Variants in THRB observed in about 807,000 individuals in gnomAD.
The protein encoded by THRB is nuclear receptor subfamily 1 group A member 2.
Under a neutral mutation model 47.8 loss-of-function variants are expected in THRB, and 12 were observed. The ratio of observed to expected loss-of-function variants is 0.25; its 90% CI spans 0.16 to 0.41. THRB has a LOEUF of 0.41. THRB is among the 10% of genes least tolerant of loss of function. The probability of loss-of-function intolerance (pLI) is 1.00; values close to 1 mark genes in which losing one functional copy is unlikely to be tolerated. For synonymous variants in THRB, 218 were observed against 212.2 expected (o/e 1.03, Z -0.24); for missense variants, 348 against 589.2 (o/e 0.59, Z 4.24).
intron 3 of THRB, among the ~76,000 whole-genome samples, chr3:24,233,595 G>GAAAGAAAGAAAGAAAGAAAAAT (rs1553658441): frequency 0.11 from 16,029 of 143,658 alleles, 1,249 homozygotes; most frequent in Non-Finnish European, 0.15. Context: ...AAGAAAGAAA[G>GAAAGAAAGAAAGAAAGAAAAAT]AAAGAAAGAA....
chr3:24,253,177 A>G (rs1454228661), intron 3 of THRB, among the ~76,000 whole-genome samples: 1 of 152,240 alleles, frequency 6.6e-6, no homozygotes, highest in Non-Finnish European at 1.5e-5. Context: ...ATAGAGGCAT[A>G]AAATAAATAA....
chr3:24,334,255 A>G (rs1300773568), intron 2 of THRB, among the ~76,000 whole-genome samples: 2 of 152,226 alleles, frequency 1.3e-5, no homozygotes, highest in Admixed American at 6.5e-5. Flanking sequence ...ATTCACAAGT[A>G]GCCTGTTTGA....
chr3:24,264,808 A>G (rs917050233), intron 3 of THRB, among the ~76,000 whole-genome samples: 2 of 141,994 alleles, frequency 1.4e-5, no homozygotes, highest in African/African-American at 5.2e-5. Flanking sequence ...AAAAAAAAAA[A>G]CTGGACTTTG....
rs773072357 is a variant in THRB at position 24,127,650 on chromosome 3, A to G, written c.993T>C (p.Asn331=). ...YDPESETLTL[N]GEMAVTRGQL... is the part of the protein sequence containing the mutation. ...GGCCCCGTGTCACTGCCATTTCCCC[A>G]TTCAAGGTTAAAGTCTCACTTTCTG... is the stretch of plus-strand genomic sequence containing the variant. The change falls in exon 10 of 11, where the codon AAT becomes AAC. Residue 331 remains asparagine, a synonymous_variant. Coordinates refer to ENST00000646209, the MANE Select transcript of THRB (RefSeq NM_001354712.2). 1.2e-6 allele frequency: 2 copies of G among 1,614,154 alleles called. No homozygotes were observed. The highest frequency in any genetic ancestry group is 2.2e-5 in the East Asian group (1 of 44,882).
intron 4 of THRB, among the ~76,000 whole-genome samples, chr3:24,216,476 A>C (rs1005916820): frequency 3.9e-5 from 6 of 152,016 alleles, no homozygotes; most frequent in Non-Finnish European, 8.8e-5. Flanking sequence ...GGCGTGGTGG[A>C]GGGCACCTGT....
chr3:24,162,116 C>T (rs1447022509), intron 5 of THRB, among the ~76,000 whole-genome samples: 2 of 151,284 alleles, frequency 1.3e-5, no homozygotes, highest in African/African-American at 4.9e-5. Flanking sequence ...TCGGGAACTT[C>T]GGAATGTGAT....
intron 3 of THRB, among the ~76,000 whole-genome samples, chr3:24,252,643 T>C (rs1212778409): frequency 6.6e-6 from 1 of 150,930 alleles, no homozygotes; most frequent in African/African-American, 2.4e-5. Flanking sequence ...AAAGGAGATA[T>C]GTAAAACGCA....
intron 1 of THRB, among the ~76,000 whole-genome samples, chr3:24,407,386 T>C (rs866248611): frequency 5.9e-5 from 9 of 151,762 alleles, no homozygotes; most frequent in Non-Finnish European, 4.4e-5. Context: ...TATATTTTCA[T>C]GCGCGATTCA....
chr3:24,398,755 G>A (rs1243524312), intron 1 of THRB, among the ~76,000 whole-genome samples: 1 of 152,130 alleles, frequency 6.6e-6, no homozygotes, highest in East Asian at 1.9e-4. Flanking sequence ...TATAAATCAT[G>A]CTGCTGTAAA....
Position 24,359,772 on chromosome 3 carries a change from T to C in THRB, c.-260-22401A>G, listed in dbSNP as rs558205657. Among the ~76,000 whole-genome samples the C allele has an allele frequency of 3.3e-5, 5 of 152,298 alleles. No homozygotes were observed. In the South Asian group the frequency reaches 1.0e-3, roughly 32 times the overall value. On this transcript the variant is annotated intron_variant, in intron 1 of 10. Coordinates refer to ENST00000646209, the MANE Select transcript of THRB (RefSeq NM_001354712.2). ...TTGCCCATGTGCGTGGGGACAGCCA[T>C]GGCCCTCAGCATGACTTTGGCTTTA... is the stretch of plus-strand genomic sequence containing the variant.
At chr3:24,164,094 CA>C (rs2039303554) in intron 5 of THRB, among the ~76,000 whole-genome samples, 1 of 152,122 alleles carries the variant, frequency 6.6e-6, no homozygotes, top group African/African-American at 2.4e-5. Context: ...AGATTATATA[CA>C]AAAGCATGAG....
chr3:24,339,794 C>T (rs896682092), intron 1 of THRB, among the ~76,000 whole-genome samples: 1 of 152,164 alleles, frequency 6.6e-6, no homozygotes, highest in African/African-American at 2.4e-5. Flanking sequence ...CTGTGAATTT[C>T]TTCATGGCTC....
chr3:24,377,366 C>T (rs2065367799), intron 1 of THRB, among the ~76,000 whole-genome samples: 1 of 152,018 alleles, frequency 6.6e-6, no homozygotes, highest in African/African-American at 2.4e-5. Context: ...GGCACATGAC[C>T]CAAGTTGGGC....
intron 1 of THRB, among the ~76,000 whole-genome samples, chr3:24,357,067 ATG>A (rs2149596806): frequency 6.6e-6 from 1 of 151,980 alleles, no homozygotes; most frequent in Non-Finnish European, 1.5e-5. Context: ...TTAACTAAAA[ATG>A]TAAAGGCTCT....
intron 3 of THRB, among the ~76,000 whole-genome samples, chr3:24,273,900 C>G (rs1292740582): frequency 6.6e-6 from 1 of 151,540 alleles, no homozygotes; most frequent in East Asian, 1.9e-4. Flanking sequence ...AATCTACCAA[C>G]CATATTTTCT....
At chr3:24,299,780 TA>T (rs1189417189) in intron 2 of THRB, among the ~76,000 whole-genome samples, 1,372 of 37,058 alleles carry the variant, frequency 0.037, 222 homozygotes, top group South Asian at 0.097. Context: ...TTTATTTATT[TA>T]TTTATTTATT....
At chr3:24,182,923 G>GTTCT (rs1369878516) in intron 5 of THRB, among the ~76,000 whole-genome samples, 2 of 152,308 alleles carry the variant, frequency 1.3e-5, no homozygotes, top group African/African-American at 4.8e-5. Context: ...GGTCTGGAAT[G>GTTCT]TTCTTACCCT....
chr3:24,406,998 T>C (rs1253160485), intron 1 of THRB, among the ~76,000 whole-genome samples: 1 of 151,838 alleles, frequency 6.6e-6, no homozygotes, highest in African/African-American at 2.4e-5. Flanking sequence ...TTATGGAGCT[T>C]AATCCATGAT....
intron 3 of THRB, among the ~76,000 whole-genome samples, chr3:24,259,649 A>G (rs949269603): frequency 7.5e-6 from 1 of 133,490 alleles, no homozygotes; most frequent in African/African-American, 2.9e-5. Flanking sequence ...TTTTTAAGGA[A>G]AAAAGCTTAA....
Sources: gnomAD v4.1 joint callset for allele counts (sites outside exome capture counted in the v4.1 genomes callset) on GRCh38, gnomAD v4.1.1 for gene constraint, MANE v1.5 for transcripts, NCBI Gene and HGNC (gene_info 2026-07-23, HGNC 2026-07-21) for gene names.